Variants in CNTNAP5 observed in about 807,000 individuals in gnomAD.
CNTNAP5 encodes the protein contactin-associated protein-like 5.
A neutral mutation model predicts 150.2 loss-of-function variants in CNTNAP5; 72 were observed. The observed-to-expected ratio is 0.48, with a 90% CI of 0.40 to 0.58. CNTNAP5 has a LOEUF of 0.58. Among genes scored for constraint, CNTNAP5 ranks in the 20% least tolerant of loss-of-function variants. The pLI is 0.00. For missense variants in CNTNAP5, 1,636 were observed against 1,626.2 expected, an observed-to-expected ratio of 1.01 and a Z score of -0.10; for synonymous variants, 672 against 619.8, an observed-to-expected ratio of 1.08 and a Z score of -1.25.
chr2:124,488,431 C>G (rs1320067140), intron 7 of CNTNAP5, among the ~76,000 whole-genome samples: 1 of 152,042 alleles, frequency 6.6e-6, no homozygotes, highest in Non-Finnish European at 1.5e-5. Flanking sequence ...AGTAACTTCC[C>G]CAAGATACGT....
At chr2:124,668,137 C>T (rs1405880387) in intron 13 of CNTNAP5, among the ~76,000 whole-genome samples, 1 of 152,206 alleles carries the variant, frequency 6.6e-6, no homozygotes, top group East Asian at 1.9e-4. Flanking sequence ...TGTCTGGTAT[C>T]AGGCTCTCTT....
At chr2:124,863,677 G>T (rs376045951) in intron 19 of CNTNAP5, among the ~76,000 whole-genome samples, 2 of 152,004 alleles carry the variant, frequency 1.3e-5, no homozygotes, top group Non-Finnish European at 2.9e-5. Context: ...CCCTCTCCCC[G>T]CAAAAGTATT....
intron 12 of CNTNAP5, among the ~76,000 whole-genome samples, chr2:124,613,316 A>G: frequency 6.6e-6 from 1 of 152,130 alleles, no homozygotes; most frequent in East Asian, 1.9e-4. Context: ...AACTTGTGCT[A>G]TCTTTAACAC....
chr2:124,776,947 T>C (rs962530000), intron 17 of CNTNAP5, among the ~76,000 whole-genome samples: 12 of 152,156 alleles, frequency 7.9e-5, no homozygotes, highest in Middle Eastern at 3.2e-3. Context: ...TAAGTATACT[T>C]CAATTTTTTT....
At chr2:124,704,766 A>G (rs1200068644) in intron 13 of CNTNAP5, among the ~76,000 whole-genome samples, 2 of 151,574 alleles carry the variant, frequency 1.3e-5, no homozygotes, top group Non-Finnish European at 1.5e-5. Flanking sequence ...CCTACCCCCA[A>G]CTTCTACCAC....
At chr2:124,348,921 A>G (rs961705737) in intron 3 of CNTNAP5, among the ~76,000 whole-genome samples, 5 of 152,172 alleles carry the variant, frequency 3.3e-5, no homozygotes, top group Admixed American at 2.0e-4. Context: ...GTCTATGTAT[A>G]TAAATACATA....
At chr2:124,074,041 A>G (rs948628816) in intron 1 of CNTNAP5, among the ~76,000 whole-genome samples, 2 of 152,158 alleles carry the variant, frequency 1.3e-5, no homozygotes, top group African/African-American at 2.4e-5. Flanking sequence ...TTGCAACAAT[A>G]TGGATAGAAC....
At chr2:124,774,919 C>T (rs1021796861) in intron 17 of CNTNAP5, among the ~76,000 whole-genome samples, 3 of 152,128 alleles carry the variant, frequency 2.0e-5, no homozygotes, top group East Asian at 3.9e-4. Context: ...GCAGACGTTT[C>T]GGTTAAATTG....
At chr2:124,431,066 C>T (rs1270942547) in intron 4 of CNTNAP5, among the ~76,000 whole-genome samples, 1 of 152,142 alleles carries the variant, frequency 6.6e-6, no homozygotes, top group Non-Finnish European at 1.5e-5. Flanking sequence ...ACACCTGCCC[C>T]CAGGTAGTAA....
intron 1 of CNTNAP5, among the ~76,000 whole-genome samples, chr2:124,133,234 C>T (rs184963057): frequency 2.6e-5 from 4 of 152,226 alleles, no homozygotes; most frequent in Admixed American, 2.0e-4. Flanking sequence ...ATTTCCATTC[C>T]GCTCCATAGC....
intron 3 of CNTNAP5, among the ~76,000 whole-genome samples, chr2:124,339,384 A>G (rs879928029): frequency 2.0e-5 from 3 of 152,162 alleles, no homozygotes; most frequent in Non-Finnish European, 4.4e-5. Context: ...CAAAGGAATG[A>G]AGAGGATTAA....
At chr2:124,510,301 CTATATA>C (rs368230554) in intron 8 of CNTNAP5, among the ~76,000 whole-genome samples, 7 of 106,036 alleles carry the variant, frequency 6.6e-5, no homozygotes, top group African/African-American at 1.5e-4. Flanking sequence ...ATCTATATAT[CTATATA>C]TATATCTATA....
At chr2:124,086,360 C>T (rs1187190231) in intron 1 of CNTNAP5, among the ~76,000 whole-genome samples, 3 of 151,320 alleles carry the variant, frequency 2.0e-5, no homozygotes, top group Non-Finnish European at 2.9e-5. Context: ...CCTGCCACCA[C>T]GCCCGGCTAA....
chr2:124,867,468 C>T (rs1677657166), intron 20 of CNTNAP5, among the ~76,000 whole-genome samples: 1 of 152,208 alleles, frequency 6.6e-6, no homozygotes. Context: ...ATCCAGTGGT[C>T]ATGTCTCAGT....
At chr2:124,696,101 C>T (rs891581143) in intron 13 of CNTNAP5, among the ~76,000 whole-genome samples, 1 of 152,080 alleles carries the variant, frequency 6.6e-6, no homozygotes, top group Non-Finnish European at 1.5e-5. Context: ...CTGAGAATCA[C>T]CTCGGATGTT....
At chr2:124,884,523 G>C (rs572447468) in intron 21 of CNTNAP5, among the ~76,000 whole-genome samples, 1 of 152,154 alleles carries the variant, frequency 6.6e-6, no homozygotes, top group South Asian at 2.1e-4. Context: ...TCAAAAGGAA[G>C]TGTCTGGAAT....
At chr2:124,628,364 C>T (rs1677775122) in intron 12 of CNTNAP5, among the ~76,000 whole-genome samples, 1 of 152,296 alleles carries the variant, frequency 6.6e-6, no homozygotes, top group Admixed American at 6.5e-5. Context: ...GACAGTGGAC[C>T]TCTCAGTAGA....
intron 19 of CNTNAP5, among the ~76,000 whole-genome samples, chr2:124,807,565 T>C (rs981756576): frequency 5.9e-5 from 9 of 152,206 alleles, no homozygotes; most frequent in African/African-American, 2.2e-4. Flanking sequence ...CAAGGAAATT[T>C]TGGCCTAGAA....
intron 7 of CNTNAP5, among the ~76,000 whole-genome samples, chr2:124,477,521 C>G (rs1693669569): frequency 6.6e-6 from 1 of 152,122 alleles, no homozygotes; most frequent in African/African-American, 2.4e-5. Context: ...AATTACCTCA[C>G]TGGCTCTAGA....
Sources: gnomAD v4.1 joint callset for allele counts (sites outside exome capture counted in the v4.1 genomes callset) on GRCh38, gnomAD v4.1.1 for gene constraint, MANE v1.5 for transcripts, NCBI Gene and HGNC (gene_info 2026-07-23, HGNC 2026-07-21) for gene names.